HOXA3: variants seen among roughly 807,000 people sequenced by gnomAD.
HOXA3 encodes the protein homeobox A3.
A neutral mutation model predicts 30.3 loss-of-function variants in HOXA3; 8 were observed. The observed-to-expected ratio is 0.26, with a 90% CI of 0.15 to 0.48. The LOEUF is 0.48. Ranked by LOEUF, HOXA3 falls within the 20% of genes least tolerant of loss-of-function variation. HOXA3 has a pLI of 0.99. For missense variants in HOXA3, 653 were observed against 614.4 expected (o/e 1.06, Z -0.66); for synonymous variants, 323 against 273.1 (o/e 1.18, Z -1.80).
intron 1 of HOXA3, chr7:27,143,615 T>G (rs1409414387): frequency 1.3e-6 from 2 of 1,586,830 alleles, no homozygotes; most frequent in Non-Finnish European, 1.7e-6. Flanking sequence ...CATTTGTTTT[T>G]TGATATGTGT....
At chr7:27,130,002 A>T in intron 2 of HOXA3, 11 of 1,243,932 alleles carry the variant, frequency 8.8e-6, no homozygotes, top group Non-Finnish European at 1.2e-5. Context: ...CCCGGGTCAG[A>T]TGGGGGCTCC....
At chr7:27,120,147 A>G (rs1784932774) in intron 4 of HOXA3, among the ~76,000 whole-genome samples, 2 of 152,142 alleles carry the variant, frequency 1.3e-5, no homozygotes, top group Admixed American at 1.3e-4. Flanking sequence ...TATTGCTGGC[A>G]AATTCCTCCC....
chr7:27,108,039 G>A lies in HOXA3; in HGVS notation c.1208C>T (p.Pro403Leu), dbSNP rs745550334. The change falls in exon 6 of 6, where the codon CCG (proline) becomes CTG (leucine). Residue 403 changes from proline (P) to leucine (L), a missense_variant. Around this residue, in one of 3 missense-constraint regions of HOXA3, gnomAD observed 330 missense variants for 274.4 expected, o/e 1.20. Transcript: ENST00000612286. This position sits in a 1 kb window ranked among gnomAD's most constrained non-coding sequence, Gnocchi z 5.0. ...CCCGTGGTGGTGGCCGCTGCCCAGC[G>A]GCCCGGCACCCCCATAGTCCATGGC... is the stretch of plus-strand genomic sequence containing the variant. ...SGAMDYGGAG[P>L]LGSGHHHGPG... is the part of the protein sequence containing the mutation. The A allele has an allele frequency of 5.0e-6, 8 of 1,612,846 alleles. No homozygotes were observed. The highest frequency in any genetic ancestry group is 1.6e-4 in the Middle Eastern group (1 of 6,076).
chr7:27,115,714 C>G (rs1450515119), intron 4 of HOXA3: 1 of 152,274 alleles, frequency 6.6e-6, no homozygotes, highest in African/African-American at 2.4e-5. Flanking sequence ...CCTGAGGAGC[C>G]GTGGGAGCCC....
chr7:27,110,153 C>A lies in HOXA3; in HGVS notation c.488G>T (p.Arg163Leu). 1 of 1,614,120 alleles carries A rather than the reference C, an allele frequency of 6.2e-7. No individual in the cohort carries two copies. Among genetic ancestry groups the A allele is most frequent in the African/African-American group, 1.3e-5 (1 of 75,030 alleles). ...KQIFPWMKES[R>L]QNTKQKTSSS... The stretch of plus-strand genomic sequence containing the variant: ...GCTGGTTTTCTGCTTTGTGTTTTGT[C>A]GAGACTCTTTCATCCAGGGGAAGAT... Residue 163 changes from arginine to leucine, a missense_variant, in exon 5 of 6, where the codon CGA becomes CTA. Transcript: ENST00000612286.
intron 2 of HOXA3, among the ~76,000 whole-genome samples, chr7:27,132,874 C>A (rs375759587): frequency 6.6e-6 from 1 of 152,300 alleles, no homozygotes; most frequent in East Asian, 1.9e-4. Flanking sequence ...ATGTCATCAG[C>A]CTTGAGTACT....
At chr7:27,143,497 C>A in intron 1 of HOXA3, 1 of 1,613,820 alleles carries the variant, frequency 6.2e-7, no homozygotes, top group Non-Finnish European at 8.5e-7. Context: ...GCATGCTCGC[C>A]GAGTCCCTGA....
chr7:27,113,131 G>T lies in HOXA3; in HGVS notation c.-120-2371C>A, dbSNP rs912634430. ...CTTTGCTCTGTACCGCCAAGCAAGG[G>T]CTGGGGATGAGGGGAGATTCCTCCA... On this transcript the variant is annotated intron_variant, in intron 4 of 5. Transcript: ENST00000612286. The surrounding 1 kb of genome is among the most constrained non-coding windows in gnomAD (Gnocchi z 4.8). 1.3e-5 allele frequency among the ~76,000 whole-genome samples: 2 copies of T among 152,162 alleles called. No individual in the cohort carries two copies. The highest frequency in any genetic ancestry group is 4.8e-5 in the African/African-American group (2 of 41,422).
intron 2 of HOXA3, among the ~76,000 whole-genome samples, chr7:27,139,671 C>T (rs936888277): frequency 6.6e-6 from 1 of 152,160 alleles, no homozygotes; most frequent in African/African-American, 2.4e-5. Context: ...CACTGTCTCC[C>T]AGCCCCGACC....
In HOXA3 at chr7:27,110,470, G is replaced by A. The variant is rs1429585354; in HGVS notation, c.171C>T (p.Ser57=). ...RPACSLQSPS[S]AGGHPKAHEL... ...CGTGTGCCTTGGGGTGGCCCCCGGC[G>A]CTGGAGGGAGACTGGAGGGAGCAGG... Residue 57 remains serine (S), a synonymous_variant, in exon 5 of 6, where the codon AGC becomes AGT. Coordinates refer to ENST00000612286, the MANE Select transcript of HOXA3 (RefSeq NM_153631.3). 2 of 1,598,490 alleles carry A rather than the reference G, an allele frequency of 1.3e-6. No individual in the cohort carries two copies. Among genetic ancestry groups the A allele is most frequent in the Non-Finnish European group, 1.7e-6 (2 of 1,170,508 alleles).
intron 1 of HOXA3, chr7:27,141,770 T>C (rs1782575750): frequency 6.5e-7 from 1 of 1,549,342 alleles, no homozygotes. Flanking sequence ...TTTCAGAAAG[T>C]CACCTTAGTA....
At chr7:27,145,954 G>A in intron 1 of HOXA3, 1 of 1,594,172 alleles carries the variant, frequency 6.3e-7, no homozygotes, top group African/African-American at 1.3e-5. Context: ...GTAAGCCAGG[G>A]CCTGGAGGGT....
chr7:27,145,976 G>T, intron 1 of HOXA3: 1 of 1,553,580 alleles, frequency 6.4e-7, no homozygotes, highest in South Asian at 1.2e-5. Flanking sequence ...GACCCAGTCA[G>T]CCCAGTGCCT....
chr7:27,108,110 C>A lies in HOXA3; in HGVS notation c.1137G>T (p.Gly379=), dbSNP rs376196080. The A allele has an allele frequency of 5.6e-6, 9 of 1,608,872 alleles. No homozygotes were observed. The African/African-American group carries it at 1.1e-4, about 19-fold the overall frequency. The change falls in exon 6 of 6, where the codon GGG becomes GGT. Residue 379 remains glycine, a synonymous_variant. Coordinates refer to ENST00000612286, the MANE Select transcript of HOXA3 (RefSeq NM_153631.3). The surrounding 1 kb of genome is among the most constrained non-coding windows in gnomAD (Gnocchi z 5.0). Reference sequence around the variant, plus strand: ...GGTGAGTTAGACCAAAGAGGGCTGGCCCGGAGTTGCTCATGGGCTCCACAT... The same window carrying A: ...GGTGAGTTAGACCAAAGAGGGCTGGACCGGAGTTGCTCATGGGCTCCACAT... ...GSYVEPMSNS[G]PALFGLTHLP...
At chr7:27,152,244 T>C in intron 1 of HOXA3, 44 bp downstream of exon 1, 1 of 1,227,698 alleles carries the variant, frequency 8.1e-7, no homozygotes. Flanking sequence ...CCGCCGGCTG[T>C]CGCCTCACCA....
In HOXA3 at chr7:27,152,464, C is replaced by T. The variant is rs1783009237; in HGVS notation, c.-670G>A. Reference sequence around the variant, plus strand: ...GAGCGCGCCCAATCTCCAGCGGGAGCCGCCAGGCCTGGCCTGGCCGGGGCT... The same window carrying T: ...GAGCGCGCCCAATCTCCAGCGGGAGTCGCCAGGCCTGGCCTGGCCGGGGCT... On this transcript the variant is annotated 5_prime_UTR_variant, in exon 1 of 6. Transcript: ENST00000612286. The T allele has an allele frequency of 2.7e-6, 3 of 1,099,146 alleles. No homozygotes were observed. Among genetic ancestry groups the T allele is most frequent in the African/African-American group, 3.3e-5 (2 of 60,028 alleles). The allele number at this position is 1,099,146 out of a possible 1,614,324, so 68.1% of individuals were successfully genotyped here.
intron 4 of HOXA3, among the ~76,000 whole-genome samples, chr7:27,114,900 A>G (rs1354144768): frequency 7.1e-5 from 9 of 126,254 alleles, no homozygotes; most frequent in Non-Finnish European, 1.2e-4. Context: ...TATTTTCCTC[A>G]TTAGTGGGAT....
rs186277638 is a variant in HOXA3 at position 27,141,375 on chromosome 7, A to G, written c.-493-1189T>C. 767 of 159,416 alleles carry G rather than the reference A, an allele frequency of 4.8e-3. 9 individuals carry two copies. Among genetic ancestry groups the G allele is most frequent in the African/African-American group, 0.017 (711 of 41,604 alleles). The allele number at this position is 159,416 out of a possible 1,614,324, so 9.9% of individuals were successfully genotyped here. A position where few individuals can be genotyped will look rare whatever the true frequency, so the allele number is the denominator to read the frequency against. ...AGTCACCTCTACAACAGCATTAATT[A>G]CACAAGGAATATAGGTAGTTTGAAT... is the stretch of plus-strand genomic sequence containing the variant. On this transcript the variant is annotated intron_variant, in intron 1 of 5. Coordinates refer to ENST00000612286, the MANE Select transcript of HOXA3 (RefSeq NM_153631.3).
Position 27,108,234 on chromosome 7 carries a change from C to T in HOXA3, c.1013G>A (p.Gly338Asp), listed in dbSNP as rs768312265. ...RYTAAGAGAG[G>D]TPDYDPHAHG... Reference sequence around the variant, plus strand: ...AGCGTGCGGGTCATAGTCGGGGGTGCCCCCTGCGCCCGCCCCTGCCGCCGT... The same window carrying T: ...AGCGTGCGGGTCATAGTCGGGGGTGTCCCCTGCGCCCGCCCCTGCCGCCGT... The change falls in exon 6 of 6, where the codon GGC (glycine) becomes GAC (aspartate). Residue 338 changes from glycine (G) to aspartate (D), a missense_variant. This residue lies in a region of HOXA3 where 330 missense variants were observed against 274.4 expected (regional missense o/e 1.20). Transcript: ENST00000612286. This position sits in a 1 kb window ranked among gnomAD's most constrained non-coding sequence, Gnocchi z 5.0. 1.8e-5 allele frequency: 27 copies of T among 1,518,144 alleles called. No individual in the cohort carries two copies. Among genetic ancestry groups the T allele is most frequent in the Non-Finnish European group, 2.4e-5 (27 of 1,133,382 alleles). The allele number at this position is 1,518,144 out of a possible 1,614,324, so 94.0% of individuals were successfully genotyped here.
Sources: gnomAD v4.1 joint callset for allele counts (sites outside exome capture counted in the v4.1 genomes callset) on GRCh38, gnomAD v4.1.1 for gene constraint, gnomAD v4.1.1 regional missense constraint, Gnocchi (gnomAD v3.1) non-coding constraint, MANE v1.5 for transcripts, NCBI Gene and HGNC (gene_info 2026-07-23, HGNC 2026-07-21) for gene names.